The following CSF2RA variants were observed in gnomAD, a reference collection of about 807,000 sequenced individuals.
CSF2RA encodes the protein colony stimulating factor 2 receptor subunit alpha.
Under a neutral mutation model 51.6 loss-of-function variants are expected in CSF2RA, and 42 were observed. The ratio of observed to expected loss-of-function variants is 0.81; its 90% CI spans 0.64 to 1.05. The LOEUF is 1.05. Ranked by LOEUF, CSF2RA falls within the 50% of genes least tolerant of loss-of-function variation. CSF2RA has a pLI of 0.00. For missense variants in CSF2RA, 530 were observed against 501.1 expected, an observed-to-expected ratio of 1.06 and a Z score of -0.55; for synonymous variants, 222 against 193.0, an observed-to-expected ratio of 1.15 and a Z score of -1.24.
intron 2 of CSF2RA, among the ~76,000 whole-genome samples, chrX:1,277,032 G>T (rs1263492180): frequency 5.9e-5 from 9 of 151,928 alleles, no homozygotes; most frequent in Admixed American, 5.9e-4. Context: ...CTGGCAGGTG[G>T]AGGTTGCAGT....
At chrX:1,296,371 C>T (rs1168707116) in intron 9 of CSF2RA, among the ~76,000 whole-genome samples, 2 of 88,380 alleles carry the variant, frequency 2.3e-5, no homozygotes, top group Non-Finnish European at 2.4e-5. Context: ...CCCCTACTCA[C>T]GACCCGTACA....
chrX:1,322,459 T>TTTC, the CSF2RA span, among the ~76,000 whole-genome samples: 1 of 146,470 alleles, frequency 6.8e-6, no homozygotes, highest in African/African-American at 2.5e-5. Flanking sequence ...TTTTTTTTTT[T>TTTC]GAAAGGTAGC....
chrX:1,291,342 C>T (rs1394856212), intron 7 of CSF2RA, among the ~76,000 whole-genome samples: 5 of 149,040 alleles, frequency 3.4e-5, no homozygotes, highest in African/African-American at 1.2e-4. Flanking sequence ...TCCTTCCCTC[C>T]CTTCTTCCTT....
intron 7 of CSF2RA, among the ~76,000 whole-genome samples, chrX:1,293,599 CAGG>C (rs1406391022): frequency 6.6e-6 from 1 of 152,110 alleles, no homozygotes; most frequent in African/African-American, 2.4e-5. Context: ...CCAGTGTAGA[CAGG>C]AGGAGACCCT....
At chrX:1,304,430 G>T (rs1250509544) in intron 11 of CSF2RA, among the ~76,000 whole-genome samples, 3 of 147,702 alleles carry the variant, frequency 2.0e-5, no homozygotes, top group Non-Finnish European at 4.5e-5. Context: ...GAAAACGGGA[G>T]ATCCTACAGG....
At chrX:1,305,220 C>T (rs1342359881) in intron 11 of CSF2RA, among the ~76,000 whole-genome samples, 3 of 151,926 alleles carry the variant, frequency 2.0e-5, no homozygotes, top group African/African-American at 7.2e-5. Context: ...TCTCAAACCT[C>T]AAGTGATCCA....
chrX:1,301,348 A>AG (rs1437737386), intron 10 of CSF2RA, among the ~76,000 whole-genome samples: 2 of 148,574 alleles, frequency 1.3e-5, no homozygotes, highest in African/African-American at 2.5e-5. Flanking sequence ...AAAAAAAAAA[A>AG]AAAAAAGAAA....
intron 7 of CSF2RA, among the ~76,000 whole-genome samples, chrX:1,292,505 G>A (rs779499274): frequency 6.6e-6 from 1 of 152,240 alleles, no homozygotes; most frequent in African/African-American, 2.4e-5. Flanking sequence ...GTGGCAGGAG[G>A]ACAGGGTGAT....
intron 3 of CSF2RA, 136 bp from the exon 4 acceptor site, chrX:1,285,639 TTGC>T: frequency 1.1e-6 from 1 of 941,308 alleles, no homozygotes; most frequent in Non-Finnish European, 1.5e-6. Flanking sequence ...AGCTTGCAGC[TTGC>T]AGTGACCTGA....
At chrX:1,320,819 C>G in the CSF2RA span, among the ~76,000 whole-genome samples, 10 of 150,570 alleles carry the variant, frequency 6.6e-5, no homozygotes, top group Non-Finnish European at 1.2e-4. Context: ...CCTGTTTTGT[C>G]AACCTTATGA....
chrX:1,287,650 G>T (rs1363444302), intron 4 of CSF2RA, among the ~76,000 whole-genome samples: 8 of 140,056 alleles, frequency 5.7e-5, no homozygotes, highest in Admixed American at 2.2e-4. Context: ...CACCATGTTG[G>T]CCAGGCTGAT....
intron 12 of CSF2RA, among the ~76,000 whole-genome samples, chrX:1,307,295 C>G (rs1314760321): frequency 1.3e-4 from 20 of 152,102 alleles, no homozygotes; most frequent in Non-Finnish European, 1.0e-4. Flanking sequence ...CTGATTAGAC[C>G]AGGCCCACTC....
chrX:1,299,667 C>G (rs1267353020), intron 9 of CSF2RA, among the ~76,000 whole-genome samples: 2 of 152,210 alleles, frequency 1.3e-5, no homozygotes, highest in Admixed American at 1.3e-4. Context: ...CCTGTCATCC[C>G]AGCACCTTGG....
At chrX:1,304,494 G>A (rs1227662405) in intron 11 of CSF2RA, among the ~76,000 whole-genome samples, 19 of 151,256 alleles carry the variant, frequency 1.3e-4, no homozygotes, top group Admixed American at 8.6e-4. Flanking sequence ...TCAGCCCCTC[G>A]GGCACAGGGA....
At chrX:1,305,030 G>C (rs1315130615) in intron 11 of CSF2RA, among the ~76,000 whole-genome samples, 2 of 146,852 alleles carry the variant, frequency 1.4e-5, no homozygotes, top group African/African-American at 2.5e-5. Flanking sequence ...GTCTCACTCT[G>C]TCACCCAGGC....
chrX:1,314,027 A>G (rs759450942), downstream of CSF2RA, among the ~76,000 whole-genome samples: 17 of 151,954 alleles, frequency 1.1e-4, no homozygotes, highest in African/African-American at 4.1e-4. Flanking sequence ...TTAAATTAAA[A>G]TAAAATTAAA....
chrX:1,319,977 G>A, the CSF2RA span, among the ~76,000 whole-genome samples: 9 of 141,614 alleles, frequency 6.4e-5, no homozygotes, highest in African/African-American at 1.5e-4. Flanking sequence ...CTCACTGCAA[G>A]CTCTGCCTCC....
intron 2 of CSF2RA, among the ~76,000 whole-genome samples, chrX:1,281,127 CCTCCTG>C (rs1228312393): frequency 8.6e-6 from 1 of 116,134 alleles, no homozygotes; most frequent in Non-Finnish European, 1.8e-5. Flanking sequence ...TCCTCCTCCT[CCTCCTG>C]CTCCTCCTCC....
downstream of CSF2RA, among the ~76,000 whole-genome samples, chrX:1,312,420 T>C (rs150895968): frequency 7.9e-3 from 1,208 of 152,212 alleles, 10 homozygotes; most frequent in Non-Finnish European, 0.013. Context: ...CACGTGGAAT[T>C]AGGACGTGGA....
Sources: allele counts gnomAD v4.1 joint callset (sites outside exome capture counted in the v4.1 genomes callset), GRCh38; gene constraint gnomAD v4.1.1; transcripts MANE v1.5; gene names NCBI Gene and HGNC (gene_info 2026-07-23, HGNC 2026-07-21).